Variants in ULK4 observed in about 807,000 individuals in gnomAD.
ULK4 encodes unc-51 like kinase 4.
Under a neutral mutation model 160.6 loss-of-function variants are expected in ULK4, and 133 were observed. That is an observed-to-expected ratio of 0.83 (90% confidence interval 0.72 to 0.96). The LOEUF is 0.96. Ranked by LOEUF, ULK4 falls within the 40% of genes least tolerant of loss-of-function variation. The pLI is 0.00. For synonymous variants in ULK4, 534 were observed against 539.8 expected, an observed-to-expected ratio of 0.99 and a Z score of 0.15; for missense variants, 1,580 against 1,499.5, an observed-to-expected ratio of 1.05 and a Z score of -0.89.
rs529174679 is a variant in ULK4, at chr3:41,829,505, A to G, written c.1764+6359T>C. Among the ~76,000 whole-genome samples, 3 of 152,314 alleles carry G rather than the reference A, an allele frequency of 2.0e-5. No individual in the cohort carries two copies. The South Asian group carries it at 6.2e-4, about 32-fold the overall frequency. On this transcript the variant is annotated intron_variant, in intron 18 of 36. Coordinates refer to ENST00000301831, the MANE Select transcript of ULK4 (RefSeq NM_017886.4). ...TGAAGGATATGAACAGACTCTTCTCAAAAGAAGACATTTATGCAGCCAAAA... is the reference window on the plus strand; with the variant it reads ...TGAAGGATATGAACAGACTCTTCTCGAAAGAAGACATTTATGCAGCCAAAA...
chr3:41,302,692 G>A (rs192799483), intron 35 of ULK4, among the ~76,000 whole-genome samples: 69 of 152,252 alleles, frequency 4.5e-4, no homozygotes, highest in African/African-American at 1.6e-3. Flanking sequence ...GCAAAACACT[G>A]CTTATTTTAA....
At chr3:41,743,885 C>G (rs1297456834) in intron 22 of ULK4, among the ~76,000 whole-genome samples, 1 of 151,366 alleles carries the variant, frequency 6.6e-6, no homozygotes, top group African/African-American at 2.4e-5. Flanking sequence ...AGGCACCGTG[C>G]CTGGACAAGA....
chr3:41,440,308 C>T (rs1201130336), intron 34 of ULK4, among the ~76,000 whole-genome samples: 1 of 152,106 alleles, frequency 6.6e-6, no homozygotes, highest in Admixed American at 6.5e-5. Context: ...AGGCTTCCAC[C>T]ATTAAGTATA....
intron 32 of ULK4, among the ~76,000 whole-genome samples, chr3:41,489,805 A>G (rs2084682085): frequency 6.6e-6 from 1 of 152,186 alleles, no homozygotes; most frequent in Admixed American, 6.5e-5. Flanking sequence ...TTGGCTAGTA[A>G]AAGTCTAGTT....
intron 35 of ULK4, among the ~76,000 whole-genome samples, chr3:41,289,807 T>G (rs946737574): frequency 6.8e-6 from 1 of 147,772 alleles, no homozygotes; most frequent in Admixed American, 6.8e-5. Flanking sequence ...TTAGGTCAAC[T>G]TATGTATGTA....
At chr3:41,806,830 G>T (rs1352440041) in intron 19 of ULK4, among the ~76,000 whole-genome samples, 2 of 152,134 alleles carry the variant, frequency 1.3e-5, no homozygotes, top group African/African-American at 2.4e-5. Flanking sequence ...ACACCATTAA[G>T]CCTCATAGTA....
chr3:41,640,788 G>A (rs528736979), intron 30 of ULK4, among the ~76,000 whole-genome samples: 14 of 152,224 alleles, frequency 9.2e-5, no homozygotes, highest in Non-Finnish European at 1.6e-4. Flanking sequence ...ATAATCCAAC[G>A]ATATATACAA....
intron 19 of ULK4, among the ~76,000 whole-genome samples, chr3:41,803,195 T>C (rs1250713026): frequency 6.7e-6 from 1 of 149,364 alleles, no homozygotes; most frequent in Middle Eastern, 3.2e-3. Context: ...TTTGTAATAA[T>C]AAGTCCATAA....
intron 17 of ULK4, among the ~76,000 whole-genome samples, chr3:41,881,274 C>A (rs1303532880): frequency 2.8e-5 from 3 of 107,570 alleles, no homozygotes; most frequent in African/African-American, 1.3e-4. Flanking sequence ...CATCCTGTAG[C>A]AGAAACTTCT....
chr3:41,504,799 A>G (rs2085323869), intron 32 of ULK4, among the ~76,000 whole-genome samples: 1 of 152,204 alleles, frequency 6.6e-6, no homozygotes, highest in Non-Finnish European at 1.5e-5. Flanking sequence ...TTTCATTTGC[A>G]GATAGATCAT....
At chr3:41,703,953 A>G (rs1250300674) in intron 27 of ULK4, among the ~76,000 whole-genome samples, 1 of 152,176 alleles carries the variant, frequency 6.6e-6, no homozygotes, top group African/African-American at 2.4e-5. Context: ...TCAGTTCTAC[A>G]ATGGTATCTA....
intron 17 of ULK4, among the ~76,000 whole-genome samples, chr3:41,878,363 C>T (rs1697387072): frequency 6.6e-6 from 1 of 152,052 alleles, no homozygotes; most frequent in Admixed American, 6.6e-5. Flanking sequence ...AAGGACTAGA[C>T]GATATACATA....
At chr3:41,389,114 G>A (rs1293115599) in intron 35 of ULK4, among the ~76,000 whole-genome samples, 4 of 151,960 alleles carry the variant, frequency 2.6e-5, no homozygotes, top group East Asian at 1.9e-4. Context: ...TGGATTCCTA[G>A]GTATTTTATT....
intron 30 of ULK4, among the ~76,000 whole-genome samples, chr3:41,623,309 C>A (rs893152596): frequency 1.3e-5 from 2 of 152,030 alleles, no homozygotes; most frequent in Non-Finnish European, 2.9e-5. Flanking sequence ...CAAAAAAGAT[C>A]ACAGTGTTTA....
chr3:41,468,836 A>C (rs1559625095), intron 32 of ULK4, among the ~76,000 whole-genome samples: 1 of 152,200 alleles, frequency 6.6e-6, no homozygotes, highest in Admixed American at 6.5e-5. Flanking sequence ...CCTATCTTAC[A>C]TCATGGGGAA....
intron 35 of ULK4, among the ~76,000 whole-genome samples, chr3:41,296,951 G>T (rs1485893784): frequency 6.6e-6 from 1 of 152,178 alleles, no homozygotes; most frequent in Non-Finnish European, 1.5e-5. Flanking sequence ...GAAGAATCAT[G>T]TTGAGGAAAT....
In ULK4 at chr3:41,564,449, CTTTTTTTTT is replaced by C. The variant is rs71075476; in HGVS notation, c.3226+1567_3226+1575del. Among the ~76,000 whole-genome samples, 82 of 80,968 alleles carry C rather than the reference CTTTTTTTTT, an allele frequency of 1.0e-3. 3 individuals are homozygous for C. The South Asian group carries it at 0.037, about 37-fold the overall frequency. 53.1% of individuals were successfully genotyped at this position (80,968 alleles called of 152,430 possible). A position where few individuals can be genotyped will look rare whatever the true frequency, so the allele number is the denominator to read the frequency against. On this transcript the variant is annotated intron_variant, in intron 32 of 36. Coordinates refer to ENST00000301831, the MANE Select transcript of ULK4 (RefSeq NM_017886.4). ...GACAGGGACGTTTCTTCTTCTTCTT[CTTTTTTTTT>C]TTTTTTTTTTTTTTTTTGAGACAGT...
chr3:41,585,873 A>G (rs898714151), intron 31 of ULK4, among the ~76,000 whole-genome samples: 47 of 152,342 alleles, frequency 3.1e-4, no homozygotes, highest in Admixed American at 3.1e-3. Context: ...TTCTCTAAAG[A>G]TGAAATACAA....
At chr3:41,956,043 CT>C (rs1387262197) in intron 1 of ULK4, among the ~76,000 whole-genome samples, 1 of 152,180 alleles carries the variant, frequency 6.6e-6, no homozygotes, top group Admixed American at 6.5e-5. Context: ...AAAACCCTAA[CT>C]TTCCACGCCT....
Sources: allele counts gnomAD v4.1 joint callset (sites outside exome capture counted in the v4.1 genomes callset), GRCh38; gene constraint gnomAD v4.1.1; transcripts MANE v1.5; gene names NCBI Gene and HGNC (gene_info 2026-07-23, HGNC 2026-07-21).